The following DCDC2 variants were observed in gnomAD, a reference collection of about 807,000 sequenced individuals.
DCDC2 encodes doublecortin domain-containing protein 2.
DCDC2 carries 40 observed loss-of-function variants against 50.2 expected under a neutral mutation model. The ratio of observed to expected loss-of-function variants is 0.80; its 90% CI spans 0.62 to 1.04. DCDC2 has a LOEUF of 1.04. DCDC2 is among the 50% of genes least tolerant of loss of function. The pLI is 0.00. For synonymous variants in DCDC2, 234 were observed against 210.6 expected (o/e 1.11, Z -0.96); for missense variants, 570 against 581.9 (o/e 0.98, Z 0.21).
intron 8 of DCDC2, among the ~76,000 whole-genome samples, chr6:24,196,004 A>G (rs1761426785): frequency 1.3e-5 from 2 of 152,194 alleles, no homozygotes. Flanking sequence ...ACATATACAC[A>G]CACACAGGCA....
chr6:24,284,159 T>C (rs1763540455), intron 6 of DCDC2, among the ~76,000 whole-genome samples: 1 of 152,176 alleles, frequency 6.6e-6, no homozygotes, highest in African/African-American at 2.4e-5. Flanking sequence ...AATGACAATA[T>C]ACTCAAAGAA....
At chr6:24,283,055 T>C (rs1763512977) in intron 6 of DCDC2, among the ~76,000 whole-genome samples, 1 of 152,142 alleles carries the variant, frequency 6.6e-6, no homozygotes, top group African/African-American at 2.4e-5. Context: ...CAAATGGTAA[T>C]AAGGACAACA....
At chr6:24,358,614 C>A (rs1023440710), upstream of DCDC2, among the ~76,000 whole-genome samples, 2 of 141,196 alleles carry the variant, frequency 1.4e-5, no homozygotes, top group Non-Finnish European at 3.0e-5. Flanking sequence ...CCCAGGAGGT[C>A]GAGGCTGCAG....
intron 2 of DCDC2, among the ~76,000 whole-genome samples, chr6:24,326,625 G>A (rs1759873286): frequency 6.7e-6 from 1 of 148,954 alleles, no homozygotes; most frequent in Non-Finnish European, 1.5e-5. Flanking sequence ...GGGAGGCCGA[G>A]GCATGTGGGT....
At chr6:24,213,047 A>G (rs745410350) in intron 7 of DCDC2, among the ~76,000 whole-genome samples, 1 of 152,194 alleles carries the variant, frequency 6.6e-6, no homozygotes, top group Non-Finnish European at 1.5e-5. Context: ...TCAAATTTTA[A>G]AAGTTACCCA....
intron 7 of DCDC2, among the ~76,000 whole-genome samples, chr6:24,212,654 A>T (rs991219394): frequency 6.6e-6 from 1 of 152,230 alleles, no homozygotes; most frequent in African/African-American, 2.4e-5. Context: ...TGAAGGATCA[A>T]ATTCAATGCT....
At chr6:24,288,585 G>C (rs574532506) in intron 6 of DCDC2, among the ~76,000 whole-genome samples, 126 of 152,246 alleles carry the variant, frequency 8.3e-4, no homozygotes, top group Non-Finnish European at 1.5e-3. Context: ...ACAGTTTAAA[G>C]TATTATTGCC....
chr6:24,339,732 A>T (rs143759569), intron 2 of DCDC2, among the ~76,000 whole-genome samples: 1 of 152,328 alleles, frequency 6.6e-6, no homozygotes, highest in Non-Finnish European at 1.5e-5. Flanking sequence ...GAGTAATTAC[A>T]TGGTGCCTGG....
upstream of DCDC2, among the ~76,000 whole-genome samples, chr6:24,361,749 C>T (rs1278423062): frequency 6.6e-6 from 1 of 152,170 alleles, no homozygotes; most frequent in East Asian, 1.9e-4. Flanking sequence ...AACAGCAGAG[C>T]ATTAAACCAA....
intron 7 of DCDC2, among the ~76,000 whole-genome samples, chr6:24,222,834 C>T (rs1271955513): frequency 1.3e-5 from 2 of 152,062 alleles, no homozygotes; most frequent in Non-Finnish European, 2.9e-5. Context: ...GTTTAAACAG[C>T]GAAGTTACAA....
chr6:24,253,821 T>C (rs568790993), intron 7 of DCDC2, among the ~76,000 whole-genome samples: 1 of 152,326 alleles, frequency 6.6e-6, no homozygotes, highest in African/African-American at 2.4e-5. Context: ...TCCTAGGACA[T>C]TACTGTAGAC....
In DCDC2 at chr6:24,256,274, A is replaced by ATGT. The variant is rs10654672; in HGVS notation, c.922+21774_922+21775insACA. On this transcript the variant is annotated intron_variant, in intron 7 of 9. Transcript: ENST00000378454. ...GGGAGGGGCTTCTCAGATGCTGGAC[A>ATGT]TTTTTTTTTTTTTTTTTATCTGACT... is the stretch of plus-strand genomic sequence containing the variant. 9.1e-3 allele frequency among the ~76,000 whole-genome samples: 1,308 copies of ATGT among 143,504 alleles called. 24 individuals are homozygous for ATGT. The highest frequency in any genetic ancestry group is 0.045 in the East Asian group (225 of 5,026). 94.1% of individuals were successfully genotyped at this position (143,504 alleles called of 152,430 possible).
intron 5 of DCDC2, among the ~76,000 whole-genome samples, chr6:24,290,063 A>C (rs1003132225): frequency 1.5e-5 from 2 of 129,500 alleles, no homozygotes; most frequent in Non-Finnish European, 3.1e-5. Flanking sequence ...GCGGGATCTC[A>C]GCTCACTGCA....
the DCDC2 span, among the ~76,000 whole-genome samples, chr6:24,369,992 T>G: frequency 1.7e-4 from 26 of 151,712 alleles, no homozygotes; most frequent in East Asian, 7.8e-4. Flanking sequence ...TGCAGTGAGC[T>G]GAGATCACAC....
At chr6:24,253,529 C>A (rs894400559) in intron 7 of DCDC2, among the ~76,000 whole-genome samples, 5 of 152,164 alleles carry the variant, frequency 3.3e-5, no homozygotes, top group Non-Finnish European at 7.4e-5. Flanking sequence ...TGCACTTACA[C>A]AAACTTAGAA....
chr6:24,214,444 T>A (rs571061926), intron 7 of DCDC2, among the ~76,000 whole-genome samples: 37 of 151,670 alleles, frequency 2.4e-4, no homozygotes, highest in African/African-American at 8.2e-4. Context: ...TCAGAAATAT[T>A]CAGAGTACAA....
At chr6:24,289,332 T>C (rs547500960) in intron 5 of DCDC2, among the ~76,000 whole-genome samples, 1 of 152,344 alleles carries the variant, frequency 6.6e-6, no homozygotes, top group East Asian at 1.9e-4. Context: ...GGTAAAACAC[T>C]GGCATTTGCA....
At chr6:24,306,531 T>TAGACAGACAGAC (rs1220137303) in intron 2 of DCDC2, among the ~76,000 whole-genome samples, 19 of 138,916 alleles carry the variant, frequency 1.4e-4, no homozygotes, top group Admixed American at 3.6e-4. Flanking sequence ...GATAGATAGA[T>TAGACAGACAGAC]AGATAGATAG....
chr6:24,375,807 A>G, the DCDC2 span, among the ~76,000 whole-genome samples: 1 of 151,950 alleles, frequency 6.6e-6, no homozygotes, highest in Admixed American at 6.6e-5. Context: ...ATACATTAAT[A>G]ATGTGTATGA....
Sources: allele counts gnomAD v4.1 joint callset (sites outside exome capture counted in the v4.1 genomes callset), GRCh38; gene constraint gnomAD v4.1.1; transcripts MANE v1.5; gene names NCBI Gene and HGNC (gene_info 2026-07-23, HGNC 2026-07-21).